Variants in CTNNA2 observed in about 807,000 individuals in gnomAD.
The protein encoded by CTNNA2 is catenin alpha 2.
In CTNNA2, 42 loss-of-function variants were observed where a neutral mutation model predicts 101.0. The observed-to-expected ratio is 0.42, with a 90% CI of 0.32 to 0.54. The LOEUF is 0.54. CTNNA2 is among the 20% of genes least tolerant of loss of function. The pLI is 0.14. For synonymous variants in CTNNA2, 450 were observed against 456.4 expected (o/e 0.99, Z 0.18); for missense variants, 871 against 1,223.1 (o/e 0.71, Z 4.29).
intron 3 of CTNNA2, among the ~76,000 whole-genome samples, chr2:79,856,499 T>TA (rs1455485653): frequency 1.3e-5 from 2 of 152,182 alleles, no homozygotes; most frequent in African/African-American, 2.4e-5. Context: ...GATCTTGAGT[T>TA]AAAAAATCTG....
At chr2:79,895,790 C>T (rs577952775) in intron 6 of CTNNA2, among the ~76,000 whole-genome samples, 1 of 151,546 alleles carries the variant, frequency 6.6e-6, no homozygotes, top group Admixed American at 6.6e-5. Flanking sequence ...GTAGTAGGCC[C>T]ATGGTTTATC....
At chr2:80,121,457 G>A (rs184891532) in intron 7 of CTNNA2, among the ~76,000 whole-genome samples, 36 of 152,228 alleles carry the variant, frequency 2.4e-4, no homozygotes, top group Admixed American at 3.9e-4. Context: ...TAGTATTAAC[G>A]TCTATCAGAA....
intron 3 of CTNNA2, among the ~76,000 whole-genome samples, chr2:79,351,653 A>T (rs1257344892): frequency 6.6e-6 from 1 of 152,058 alleles, no homozygotes; most frequent in African/African-American, 2.4e-5. Context: ...TGTATACCCA[A>T]TATTTAGCTC....
chr2:80,574,130 T>G (rs1456897066), intron 12 of CTNNA2, 33 bp from the exon 13 acceptor site: 18 of 1,590,126 alleles, frequency 1.1e-5, no homozygotes, highest in Non-Finnish European at 1.2e-5. Flanking sequence ...AGAGAGAAAT[T>G]GCCTAATCCT....
intron 3 of CTNNA2, among the ~76,000 whole-genome samples, chr2:79,816,192 G>A (rs540840588): frequency 5.9e-5 from 9 of 152,104 alleles, no homozygotes; most frequent in South Asian, 2.1e-4. Flanking sequence ...CAATCATATC[G>A]TCAGCAATGA....
At chr2:79,604,854 C>CT (rs1677783210) in intron 1 of CTNNA2, among the ~76,000 whole-genome samples, 1 of 152,142 alleles carries the variant, frequency 6.6e-6, no homozygotes, top group Non-Finnish European at 1.5e-5. Flanking sequence ...TGTAGCAAGA[C>CT]TCAAAAGGAT....
At chr2:79,933,091 A>C (rs1687556307) in intron 7 of CTNNA2, among the ~76,000 whole-genome samples, 1 of 152,196 alleles carries the variant, frequency 6.6e-6, no homozygotes, top group Non-Finnish European at 1.5e-5. Context: ...GGACAATTAT[A>C]GTTATCATTT....
intron 9 of CTNNA2, among the ~76,000 whole-genome samples, chr2:80,535,329 T>A (rs1398679980): frequency 6.6e-6 from 1 of 152,222 alleles, no homozygotes; most frequent in Non-Finnish European, 1.5e-5. Flanking sequence ...GAGTGATCAA[T>A]GATTGGATAA....
At chr2:79,352,425 G>A (rs1677412407) in intron 3 of CTNNA2, among the ~76,000 whole-genome samples, 1 of 152,090 alleles carries the variant, frequency 6.6e-6, no homozygotes, top group African/African-American at 2.4e-5. Flanking sequence ...GAGGCTGGCT[G>A]TAATAATATC....
chr2:79,626,043 C>T (rs944878655), intron 1 of CTNNA2, among the ~76,000 whole-genome samples: 15 of 152,040 alleles, frequency 9.9e-5, no homozygotes, highest in African/African-American at 3.4e-4. Flanking sequence ...TTAGGAGGGA[C>T]GTTTGACCAT....
intron 12 of CTNNA2, among the ~76,000 whole-genome samples, chr2:80,558,462 ATATGTGTGTGTG>A (rs1558585293): frequency 2.8e-5 from 1 of 35,728 alleles, no homozygotes; most frequent in Admixed American, 3.7e-4. Flanking sequence ...GTGTGTGTAT[ATATGTGTGTGTG>A]TGTGTGTGTG....
In CTNNA2 at chr2:79,646,883, A is replaced by T. The variant is rs545532585; in HGVS notation, c.-5-4669A>T. 2.6e-5 allele frequency among the ~76,000 whole-genome samples: 4 copies of T among 152,312 alleles called. No individual in the cohort carries two copies. The South Asian group carries it at 8.3e-4, about 32-fold the overall frequency. On this transcript the variant is annotated intron_variant, in intron 1 of 18. Transcript: ENST00000402739. ...AAATTCAAATTCTAGGAGCTTTCTC[A>T]TAGGCTTGTAACATTGTGCTGTATG... is the stretch of plus-strand genomic sequence containing the variant.
intron 2 of CTNNA2, among the ~76,000 whole-genome samples, chr2:79,706,779 A>C (rs1339162113): frequency 6.6e-6 from 1 of 152,086 alleles, no homozygotes. Flanking sequence ...CTACTTTTAC[A>C]GACATTGAGT....
chr2:79,910,402 C>A (rs1389619688), intron 7 of CTNNA2, among the ~76,000 whole-genome samples: 1 of 152,122 alleles, frequency 6.6e-6, no homozygotes, highest in Non-Finnish European at 1.5e-5. Flanking sequence ...TAATAGCCAT[C>A]CTCTCCTATA....
At chr2:80,385,728 G>C (rs1441428515) in intron 7 of CTNNA2, among the ~76,000 whole-genome samples, 1 of 151,052 alleles carries the variant, frequency 6.6e-6, no homozygotes, top group African/African-American at 2.4e-5. Context: ...GTCTTTCTCC[G>C]TCTTCCTCTG....
chr2:79,826,055 C>A (rs994315310), intron 3 of CTNNA2, among the ~76,000 whole-genome samples: 2 of 151,998 alleles, frequency 1.3e-5, no homozygotes, highest in African/African-American at 4.8e-5. Context: ...AAAAGAAGTA[C>A]CTTACAAAAT....
At chr2:79,949,754 G>A (rs1688752045) in intron 7 of CTNNA2, among the ~76,000 whole-genome samples, 2 of 152,190 alleles carry the variant, frequency 1.3e-5, no homozygotes, top group South Asian at 4.2e-4. Flanking sequence ...CTCCAGCCTG[G>A]GTGAAAGAGT....
intron 18 of CTNNA2, among the ~76,000 whole-genome samples, chr2:80,623,703 A>C (rs917279626): frequency 4.0e-5 from 6 of 151,856 alleles, no homozygotes; most frequent in Non-Finnish European, 8.8e-5. Flanking sequence ...TGAATCAGGA[A>C]TGGTAGGGAG....
At chr2:79,759,924 T>G (rs1458700843) in intron 3 of CTNNA2, among the ~76,000 whole-genome samples, 1 of 152,198 alleles carries the variant, frequency 6.6e-6, no homozygotes, top group Non-Finnish European at 1.5e-5. Flanking sequence ...TTATTCTTTT[T>G]TGCCCCCTCA....
Sources: allele counts gnomAD v4.1 joint callset (sites outside exome capture counted in the v4.1 genomes callset), GRCh38; gene constraint gnomAD v4.1.1; transcripts MANE v1.5; gene names NCBI Gene and HGNC (gene_info 2026-07-23, HGNC 2026-07-21).